The following DNM3 variants were observed in gnomAD, a reference collection of about 807,000 sequenced individuals.
The protein encoded by DNM3 is dynamin-3.
A neutral mutation model predicts 101.6 loss-of-function variants in DNM3; 47 were observed. The observed-to-expected ratio is 0.46, with a 90% CI of 0.37 to 0.59. The LOEUF (loss-of-function observed/expected upper bound fraction) is 0.59. Among genes scored for constraint, DNM3 ranks in the 20% least tolerant of loss-of-function variants. DNM3 has a pLI of 0.00. For missense variants in DNM3, 849 were observed against 1,085.7 expected, an observed-to-expected ratio of 0.78 and a Z score of 3.06; for synonymous variants, 385 against 387.9, an observed-to-expected ratio of 0.99 and a Z score of 0.09.
In DNM3 at chr1:171,918,942, T is replaced by C. The variant is rs138713875; in HGVS notation, c.162-2806T>C. Among the ~76,000 whole-genome samples the C allele has an allele frequency of 7.9e-5, 12 of 152,310 alleles. No individual in the cohort carries two copies. The East Asian group carries it at 2.3e-3, about 29-fold the overall frequency. ...TGAAACAGGTCTCAGCATGAAGATA[T>C]AAAGTGACTAAACCTTTTTTTCTTC... On this transcript the variant is annotated intron_variant, in intron 1 of 20. Coordinates refer to ENST00000627582, the MANE Select transcript of DNM3 (RefSeq NM_015569.5).
chr1:172,099,018 G>A (rs1474411555), intron 13 of DNM3, among the ~76,000 whole-genome samples: 2 of 152,178 alleles, frequency 1.3e-5, no homozygotes, highest in African/African-American at 4.8e-5. Flanking sequence ...CAGTTGGAAG[G>A]TGGCATAAAG....
At chr1:172,091,197 G>A (rs2053882365) in intron 12 of DNM3, among the ~76,000 whole-genome samples, 1 of 152,164 alleles carries the variant, frequency 6.6e-6, no homozygotes, top group South Asian at 2.1e-4. Flanking sequence ...GATATTTCAT[G>A]AAACCAACCA....
At chr1:172,231,778 G>A (rs543367740) in intron 14 of DNM3, among the ~76,000 whole-genome samples, 26 of 152,282 alleles carry the variant, frequency 1.7e-4, no homozygotes, top group East Asian at 5.8e-4. Context: ...ACCATGGCAC[G>A]AGAACTATGT....
chr1:172,068,244 C>T (rs1205249538), intron 10 of DNM3, among the ~76,000 whole-genome samples: 1 of 152,110 alleles, frequency 6.6e-6, no homozygotes, highest in African/African-American at 2.4e-5. Flanking sequence ...AGGAGAATCG[C>T]TTGAACCCAG....
chr1:171,869,062 C>T lies in DNM3; in HGVS notation c.161+27245C>T, dbSNP rs182031930. On this transcript the variant is annotated intron_variant, in intron 1 of 20. Coordinates refer to ENST00000627582, the MANE Select transcript of DNM3 (RefSeq NM_015569.5). ...CCTCCCAAAGTGCTGGGATTACAGG[C>T]GTTAGCCACTGTGCCTGGCTTGTAC... Among the ~76,000 whole-genome samples the T allele has an allele frequency of 2.2e-3, 342 of 152,328 alleles. 4 individuals carry two copies. The highest frequency in any genetic ancestry group is 8.0e-3 in the African/African-American group (331 of 41,586).
chr1:172,275,093 G>T (rs997082664), intron 15 of DNM3, among the ~76,000 whole-genome samples: 18 of 152,006 alleles, frequency 1.2e-4, no homozygotes, highest in African/African-American at 4.3e-4. Context: ...ACTATGACTT[G>T]CCATCTGTGT....
chr1:171,965,925 C>T (rs553853118), intron 2 of DNM3, among the ~76,000 whole-genome samples: 3 of 152,072 alleles, frequency 2.0e-5, no homozygotes, highest in East Asian at 1.9e-4. Context: ...CCCCCATTAG[C>T]GTAAACTTAG....
intron 1 of DNM3, among the ~76,000 whole-genome samples, chr1:171,907,736 T>G (rs759902387): frequency 2.0e-5 from 3 of 152,202 alleles, no homozygotes; most frequent in Non-Finnish European, 2.9e-5. Context: ...AAACTCTCAC[T>G]TTCACAATGA....
At chr1:172,163,994 AT>A (rs1330055946) in intron 14 of DNM3, among the ~76,000 whole-genome samples, 6 of 148,502 alleles carry the variant, frequency 4.0e-5, no homozygotes, top group Admixed American at 1.3e-4. Context: ...CACATCTCAC[AT>A]TTTTTTTTAT....
chr1:172,337,573 G>A (rs565839164), intron 17 of DNM3, among the ~76,000 whole-genome samples: 89 of 152,236 alleles, frequency 5.8e-4, no homozygotes, highest in African/African-American at 2.0e-3. Flanking sequence ...TTTTAACACC[G>A]TAATTCCTGA....
chr1:172,376,657 A>T (rs2068619898), intron 17 of DNM3: 1 of 152,106 alleles, frequency 6.6e-6, no homozygotes. Context: ...GAAATAAATC[A>T]AATTTGCATA....
intron 6 of DNM3, among the ~76,000 whole-genome samples, chr1:172,035,170 G>C (rs2125811605): frequency 6.6e-6 from 1 of 152,234 alleles, no homozygotes; most frequent in African/African-American, 2.4e-5. Context: ...TAGAGTCAAG[G>C]TTACGTCTCA....
rs910634292 is a variant in DNM3, at chr1:172,408,749, G to GA, written c.*916dup. 31 of 984,834 alleles carry GA rather than the reference G, an allele frequency of 3.1e-5. No individual in the cohort carries two copies. In the African/African-American group the frequency reaches 3.8e-4, roughly 12 times the overall value. The allele number at this position is 984,834 out of a possible 1,614,324, so 61.0% of individuals were successfully genotyped here. On this transcript the variant is annotated 3_prime_UTR_variant, in exon 21 of 21. Transcript: ENST00000627582. ...AGTTTTACTATTATTATTTTGGTTG[G>GA]AAAAAAAATTCACTCTTTACGTGCT...
intron 14 of DNM3, among the ~76,000 whole-genome samples, chr1:172,202,399 A>G (rs1038051871): frequency 6.6e-6 from 1 of 152,142 alleles, no homozygotes; most frequent in Non-Finnish European, 1.5e-5. Context: ...ATCTAGGCCT[A>G]TTGAGATTAT....
At chr1:172,228,438 G>A (rs1188333311) in intron 14 of DNM3, among the ~76,000 whole-genome samples, 1 of 151,894 alleles carries the variant, frequency 6.6e-6, no homozygotes, top group African/African-American at 2.4e-5. Context: ...ACCTGCCAGT[G>A]GACTTTTACC....
chr1:172,225,478 A>C (rs2061080021), intron 14 of DNM3, among the ~76,000 whole-genome samples: 1 of 151,886 alleles, frequency 6.6e-6, no homozygotes, highest in South Asian at 2.1e-4. Context: ...ACTTTTTCCC[A>C]GTGTCAGCAC....
chr1:172,068,284 C>T (rs904302653), intron 10 of DNM3, among the ~76,000 whole-genome samples: 22 of 152,046 alleles, frequency 1.4e-4, no homozygotes, highest in Non-Finnish European at 2.5e-4. Flanking sequence ...GCTGAGATTG[C>T]GCCATTGCAC....
intron 1 of DNM3, among the ~76,000 whole-genome samples, chr1:171,882,911 C>T (rs943881605): frequency 3.9e-5 from 6 of 151,964 alleles, no homozygotes; most frequent in African/African-American, 1.4e-4. Context: ...TTTAGACATA[C>T]TTCCATTTTT....
intron 14 of DNM3, among the ~76,000 whole-genome samples, chr1:172,170,271 A>C (rs958451837): frequency 6.6e-6 from 1 of 151,892 alleles, no homozygotes; most frequent in African/African-American, 2.4e-5. Flanking sequence ...TTTAGTAGAT[A>C]AGGAAACAGG....
Sources: gnomAD v4.1 joint callset for allele counts (sites outside exome capture counted in the v4.1 genomes callset) on GRCh38, gnomAD v4.1.1 for gene constraint, MANE v1.5 for transcripts, NCBI Gene and HGNC (gene_info 2026-07-23, HGNC 2026-07-21) for gene names.